Variants in BRD10 observed in about 807,000 individuals in gnomAD.
BRD10 encodes the protein bromodomain containing 10.
At chr9:5,981,279 T>C in the BRD10 span, among the ~76,000 whole-genome samples, 3 of 152,248 alleles carry the variant, frequency 2.0e-5, no homozygotes, top group South Asian at 2.1e-4. Flanking sequence ...TGTCCTTCAA[T>C]AGAAGTATCT....
the BRD10 span, among the ~76,000 whole-genome samples, chr9:5,949,191 A>G: frequency 6.6e-6 from 1 of 152,128 alleles, no homozygotes; most frequent in South Asian, 2.1e-4. Flanking sequence ...ATCTTAATAC[A>G]GTAAGCAGTT....
At chr9:5,958,130 A>C in the BRD10 span, among the ~76,000 whole-genome samples, 2 of 152,342 alleles carry the variant, frequency 1.3e-5, no homozygotes, top group East Asian at 1.9e-4. Flanking sequence ...AACATTAATA[A>C]ACCTTAATAA....
At chr9:5,950,162 A>C in the BRD10 span, among the ~76,000 whole-genome samples, 4 of 152,206 alleles carry the variant, frequency 2.6e-5, no homozygotes, top group African/African-American at 9.6e-5. Flanking sequence ...AGGCTTAATC[A>C]TGTGCCACTT....
chr9:6,000,294 C>A, the BRD10 span, among the ~76,000 whole-genome samples: 4 of 152,082 alleles, frequency 2.6e-5, no homozygotes, highest in Non-Finnish European at 5.9e-5. Context: ...GGCTTATTAG[C>A]CTTTCCCAAT....
chr9:6,005,234 GGC>G, the BRD10 span, among the ~76,000 whole-genome samples: 33 of 152,176 alleles, frequency 2.2e-4, no homozygotes, highest in Non-Finnish European at 4.1e-4. Context: ...TTATAGGCCG[GGC>G]GCGGTGGCTA....
the BRD10 span, among the ~76,000 whole-genome samples, chr9:5,999,263 T>C: frequency 2.0e-5 from 3 of 152,086 alleles, no homozygotes; most frequent in African/African-American, 7.2e-5. Context: ...TGACAAATTA[T>C]TTGGAGATGT....
At chr9:5,960,040 C>T in the BRD10 span, among the ~76,000 whole-genome samples, 7 of 152,192 alleles carry the variant, frequency 4.6e-5, no homozygotes, top group Non-Finnish European at 1.0e-4. Context: ...TCCCATTATT[C>T]TTCAAAGTCC....
chr9:5,948,953 A>C, the BRD10 span, among the ~76,000 whole-genome samples: 1 of 152,142 alleles, frequency 6.6e-6, no homozygotes, highest in Non-Finnish European at 1.5e-5. Context: ...ACTACTTAAA[A>C]ACTTGCAAAT....
chr9:5,988,360 G>C, the BRD10 span: 1 of 1,608,738 alleles, frequency 6.2e-7, no homozygotes, highest in Non-Finnish European at 8.5e-7. Context: ...TTCTTCTTTT[G>C]CTCTCAGCTG....
At chr9:5,950,038 G>T in the BRD10 span, among the ~76,000 whole-genome samples, 4 of 152,178 alleles carry the variant, frequency 2.6e-5, no homozygotes, top group South Asian at 2.1e-4. Context: ...TCCCCTACAT[G>T]ACAAATATAT....
At chr9:5,983,172 C>T in the BRD10 span, among the ~76,000 whole-genome samples, 2 of 152,066 alleles carry the variant, frequency 1.3e-5, no homozygotes, top group African/African-American at 4.8e-5. Context: ...TGAGTTCTGA[C>T]CAGCTGAAGC....
At chr9:5,894,252 C>G in the BRD10 span, among the ~76,000 whole-genome samples, 1 of 151,976 alleles carries the variant, frequency 6.6e-6, no homozygotes, top group Non-Finnish European at 1.5e-5. This position sits in a 1 kb window ranked among gnomAD's most constrained non-coding sequence, Gnocchi z 4.0. Flanking sequence ...CCAGGTGTAC[C>G]CACAACCTGA....
At chr9:6,000,024 AC>A in the BRD10 span, among the ~76,000 whole-genome samples, 3 of 152,296 alleles carry the variant, frequency 2.0e-5, no homozygotes, top group South Asian at 2.1e-4. Context: ...TCAATAAAAT[AC>A]ATTTTTAATA....
the BRD10 span, among the ~76,000 whole-genome samples, chr9:5,993,187 C>T: frequency 1.3e-5 from 2 of 151,660 alleles, no homozygotes; most frequent in East Asian, 3.9e-4. Flanking sequence ...CGGTGGCATG[C>T]GTCTGTAGTC....
At chr9:5,979,105 A>T in the BRD10 span, among the ~76,000 whole-genome samples, 2 of 152,246 alleles carry the variant, frequency 1.3e-5, no homozygotes, top group African/African-American at 4.8e-5. Context: ...AAGTCATAGT[A>T]TTTATTTTAC....
the BRD10 span, among the ~76,000 whole-genome samples, chr9:5,997,090 G>T: frequency 6.6e-6 from 1 of 152,218 alleles, no homozygotes; most frequent in East Asian, 1.9e-4. Context: ...GCACAAGGAA[G>T]AAAGGCAGGA....
the BRD10 span, among the ~76,000 whole-genome samples, chr9:5,916,805 G>A: frequency 1.3e-5 from 2 of 152,130 alleles, no homozygotes; most frequent in East Asian, 3.9e-4. Context: ...AATCTTTTCA[G>A]GTGGCATTGT....
At chr9:5,917,504 T>C in the BRD10 span, among the ~76,000 whole-genome samples, 4 of 152,244 alleles carry the variant, frequency 2.6e-5, no homozygotes, top group African/African-American at 4.8e-5. Context: ...CACAGAGCTA[T>C]GAAGGTCATA....
At chr9:5,897,792 C>G in the BRD10 span, 3 of 749,816 alleles carry the variant, frequency 4.0e-6, no homozygotes, top group African/African-American at 3.5e-5. Flanking sequence ...GCCTCTTTTG[C>G]TACATTGTAC....
Sources: allele counts gnomAD v4.1 joint callset (sites outside exome capture counted in the v4.1 genomes callset), GRCh38; gene constraint gnomAD v4.1.1; non-coding constraint Gnocchi (gnomAD v3.1); transcripts MANE v1.5; gene names NCBI Gene and HGNC (gene_info 2026-07-23, HGNC 2026-07-21).